Variants in LRP1B observed in about 807,000 individuals in gnomAD.
LRP1B encodes the protein LDL receptor related protein 1B.
Under a neutral mutation model 556.6 loss-of-function variants are expected in LRP1B, and 217 were observed. That is an observed-to-expected ratio of 0.39 (90% CI 0.35 to 0.44). LRP1B has a LOEUF of 0.44. Among genes scored for constraint, LRP1B ranks in the 20% least tolerant of loss-of-function variants. The pLI, the probability that LRP1B is intolerant of heterozygous loss-of-function variation, is 1.00. For synonymous variants in LRP1B, 2,047 were observed against 1,865.8 expected, an observed-to-expected ratio of 1.10 and a Z score of -2.50; for missense variants, 5,053 against 5,620.8, an observed-to-expected ratio of 0.90 and a Z score of 3.23.
intron 82 of LRP1B, among the ~76,000 whole-genome samples, chr2:140,320,067 T>C (rs1008802812): frequency 2.0e-5 from 3 of 152,182 alleles, no homozygotes; most frequent in African/African-American, 7.2e-5. Context: ...TCTGTCTTAG[T>C]GTCCTCCTCC....
rs971209071 is a variant in LRP1B at position 140,350,807 on chromosome 2, C to T, written c.11882G>A (p.Ser3961Asn). ...ATGGTATTTACTTACAATCAAGCCA[C>T]TGTTTGCTTGCCTTTTTTCTCTGCC... is the stretch of plus-strand genomic sequence containing the variant. The part of the protein sequence containing the change: ...IHGREKRQAN[S>N]GLICPEFKRP... Residue 3961 changes from serine (S) to asparagine (N), a missense_variant, in exon 77 of 91, where the codon AGT (serine) becomes AAT (asparagine). Ser to Asn is a conservative substitution (Grantham distance 46, BLOSUM62 1). Transcript: ENST00000389484. 11 of 1,610,008 alleles carry T rather than the reference C, an allele frequency of 6.8e-6. No homozygotes were observed. The highest frequency in any genetic ancestry group is 9.3e-6 in the Non-Finnish European group (11 of 1,178,048).
chr2:141,499,418 G>C (rs1218557569), intron 2 of LRP1B, among the ~76,000 whole-genome samples: 1 of 151,964 alleles, frequency 6.6e-6, no homozygotes, highest in Non-Finnish European at 1.5e-5. Context: ...TGTTCACATT[G>C]GCCCTGTCTG....
At chr2:142,029,900 G>A (rs1703627381) in intron 1 of LRP1B, among the ~76,000 whole-genome samples, 1 of 151,588 alleles carries the variant, frequency 6.6e-6, no homozygotes, top group South Asian at 2.1e-4. Context: ...GATTAAAGAG[G>A]TTTAATGCAT....
chr2:141,974,723 A>G (rs996695970), intron 1 of LRP1B, among the ~76,000 whole-genome samples: 2 of 152,150 alleles, frequency 1.3e-5, no homozygotes, highest in African/African-American at 4.8e-5. Flanking sequence ...ATCAATATGA[A>G]TAATGTTCAA....
At chr2:140,691,277 GC>G (rs1317636837) in intron 41 of LRP1B, among the ~76,000 whole-genome samples, 1 of 152,058 alleles carries the variant, frequency 6.6e-6, no homozygotes, top group African/African-American at 2.4e-5. Context: ...TTCAAGACCA[GC>G]CTGACCAACA....
At chr2:140,996,293 A>T (rs965321263) in intron 15 of LRP1B, among the ~76,000 whole-genome samples, 1 of 152,160 alleles carries the variant, frequency 6.6e-6, no homozygotes, top group African/African-American at 2.4e-5. Context: ...AAACCACATT[A>T]TCAATGCAGA....
intron 49 of LRP1B, among the ~76,000 whole-genome samples, chr2:140,520,441 A>T (rs1457450595): frequency 6.6e-6 from 1 of 151,966 alleles, no homozygotes; most frequent in East Asian, 1.9e-4. Context: ...AACATCACAC[A>T]CTGGGGTCTG....
chr2:141,052,725 C>A (rs1699071850), intron 10 of LRP1B, among the ~76,000 whole-genome samples: 1 of 152,002 alleles, frequency 6.6e-6, no homozygotes. Context: ...GCAACCTCTG[C>A]CACCTGGGCT....
At chr2:140,530,980 A>C (rs1690667253) in intron 47 of LRP1B, among the ~76,000 whole-genome samples, 1 of 152,108 alleles carries the variant, frequency 6.6e-6, no homozygotes, top group Admixed American at 6.6e-5. Context: ...GGCAGAATAA[A>C]ATCTATTTAT....
At chr2:140,644,208 T>C (rs1038668311) in intron 41 of LRP1B, among the ~76,000 whole-genome samples, 1 of 152,138 alleles carries the variant, frequency 6.6e-6, no homozygotes, top group Admixed American at 6.5e-5. Context: ...CACACTTGAT[T>C]ATATAATCAG....
At chr2:141,043,079 T>A (rs1328054269) in intron 11 of LRP1B, among the ~76,000 whole-genome samples, 1 of 148,664 alleles carries the variant, frequency 6.7e-6, no homozygotes, top group African/African-American at 2.5e-5. Flanking sequence ...GGCACACACC[T>A]GTGTTCCTAG....
chr2:140,517,012 C>A lies in LRP1B; in HGVS notation c.8027-1G>T, dbSNP rs2104939696. 1 of 1,570,510 alleles carries A rather than the reference C, an allele frequency of 6.4e-7. No individual in the cohort carries two copies. Among genetic ancestry groups the A allele is most frequent in the Non-Finnish European group, 8.8e-7 (1 of 1,140,846 alleles). On this transcript the variant is annotated splice_acceptor_variant, in intron 49 of 90. Transcript: ENST00000389484. LOFTEE classifies it high-confidence loss of function. ...TCTTCACATTTGTGTTTGTTTTGAA[C>A]TGTGATAAAATATGGAATGTCAAAC...
intron 25 of LRP1B, among the ~76,000 whole-genome samples, chr2:140,872,807 A>C (rs1693180762): frequency 6.6e-6 from 1 of 151,972 alleles, no homozygotes; most frequent in Non-Finnish European, 1.5e-5. Context: ...ACAACTGCCT[A>C]GGGTTGTGAA....
chr2:140,809,196 C>T (rs11694855), intron 32 of LRP1B, among the ~76,000 whole-genome samples: 69,423 of 151,824 alleles, frequency 0.46, 16,997 homozygotes, highest in East Asian at 0.58. Flanking sequence ...TTAGCCTTCA[C>T]AGCTTTCATA....
At chr2:141,285,792 C>T (rs537739471) in intron 3 of LRP1B, among the ~76,000 whole-genome samples, 2 of 139,834 alleles carry the variant, frequency 1.4e-5, no homozygotes, top group African/African-American at 2.6e-5. Context: ...TCAGGCCGGG[C>T]GCGGTGGCTC....
intron 1 of LRP1B, among the ~76,000 whole-genome samples, chr2:141,951,464 C>A (rs561202038): frequency 6.6e-6 from 1 of 152,266 alleles, no homozygotes; most frequent in African/African-American, 2.4e-5. Flanking sequence ...TATAATCACA[C>A]TAATTGGAGC....
At chr2:140,396,085 AT>A (rs1684240369) in intron 66 of LRP1B, among the ~76,000 whole-genome samples, 1 of 152,166 alleles carries the variant, frequency 6.6e-6, no homozygotes. Context: ...ACAAATTTGC[AT>A]TTGTGAACCA....
intron 7 of LRP1B, among the ~76,000 whole-genome samples, chr2:141,127,623 TCTC>T (rs1489245782): frequency 4.6e-5 from 7 of 152,128 alleles, no homozygotes; most frequent in Admixed American, 1.3e-4. Flanking sequence ...CTGTCCTACA[TCTC>T]CTCCTCTGCA....
At chr2:141,363,732 T>C (rs1477278833) in intron 3 of LRP1B, among the ~76,000 whole-genome samples, 1 of 152,164 alleles carries the variant, frequency 6.6e-6, no homozygotes, top group Non-Finnish European at 1.5e-5. Flanking sequence ...AATGTTGGAA[T>C]ATACTTAAGA....
Sources: allele counts gnomAD v4.1 joint callset (sites outside exome capture counted in the v4.1 genomes callset), GRCh38; gene constraint gnomAD v4.1.1; transcripts MANE v1.5; gene names NCBI Gene and HGNC (gene_info 2026-07-23, HGNC 2026-07-21).